Variants in RNF212B observed in about 807,000 individuals in gnomAD.
RNF212B encodes the protein ring finger protein 212B.
Under a neutral mutation model 55.5 loss-of-function variants are expected in RNF212B, and 52 were observed. The observed-to-expected ratio is 0.94, with a 90% CI of 0.75 to 1.18. The LOEUF (loss-of-function observed/expected upper bound fraction) is 1.18, where lower values mean the gene tolerates loss of function less well. Among genes scored for constraint, RNF212B ranks in the 50% most tolerant of loss-of-function variants. RNF212B has a pLI of 0.00. For missense variants in RNF212B, 289 were observed against 350.4 expected (o/e 0.82, Z 1.40); for synonymous variants, 99 against 121.4 (o/e 0.82, Z 1.21).
At chr14:23,215,096 C>T (rs1880934847) in intron 2 of RNF212B, among the ~76,000 whole-genome samples, 1 of 152,140 alleles carries the variant, frequency 6.6e-6, no homozygotes, top group Non-Finnish European at 1.5e-5. Flanking sequence ...GTGATTGGAT[C>T]ATGCGGGCAG....
At chr14:23,214,310 A>G (rs888191811) in intron 2 of RNF212B, among the ~76,000 whole-genome samples, 4 of 152,158 alleles carry the variant, frequency 2.6e-5, no homozygotes, top group Admixed American at 1.3e-4. Flanking sequence ...CCTGGCCAAC[A>G]TAGTGAAACC....
At chr14:23,224,151 A>T (rs1881805207) in intron 2 of RNF212B, among the ~76,000 whole-genome samples, 1 of 152,172 alleles carries the variant, frequency 6.6e-6, no homozygotes, top group Admixed American at 6.6e-5. Flanking sequence ...CATTGTTAAA[A>T]TGTCCATGCT....
chr14:23,230,786 AT>A (rs1200613979), intron 2 of RNF212B, among the ~76,000 whole-genome samples: 1 of 151,394 alleles, frequency 6.6e-6, no homozygotes, highest in Non-Finnish European at 1.5e-5. Context: ...TTTTGAGTTA[AT>A]TTTTGTATAT....
intron 2 of RNF212B, among the ~76,000 whole-genome samples, chr14:23,203,289 A>G (rs1024653591): frequency 8.6e-5 from 13 of 152,012 alleles, no homozygotes; most frequent in African/African-American, 3.1e-4. Context: ...CTCCAATCTC[A>G]TCTACCACAA....
At chr14:23,267,748 G>A (rs1275835155) in intron 11 of RNF212B, among the ~76,000 whole-genome samples, 4 of 152,036 alleles carry the variant, frequency 2.6e-5, no homozygotes, top group African/African-American at 9.7e-5. Flanking sequence ...TTGTCTTAAA[G>A]TCTATTTTGT....
At chr14:23,205,732 T>C (rs1879771671) in intron 2 of RNF212B, among the ~76,000 whole-genome samples, 1 of 152,248 alleles carries the variant, frequency 6.6e-6, no homozygotes, top group Admixed American at 6.5e-5. Flanking sequence ...TTACTGTCTG[T>C]GGACCAGACT....
chr14:23,244,538 G>A (rs2140442751), intron 4 of RNF212B, 142 bp downstream of exon 4: 1 of 562,684 alleles, frequency 1.8e-6, no homozygotes, highest in South Asian at 2.3e-5. Flanking sequence ...CTTCCTTGAT[G>A]ATACAAATTT....
Position 23,260,680 on chromosome 14 carries a change from G to C in RNF212B, c.427G>C (p.Gly143Arg). The C allele has an allele frequency of 6.4e-7, 1 of 1,550,436 alleles. No homozygotes were observed. The highest frequency in any genetic ancestry group is 8.7e-7 in the Non-Finnish European group (1 of 1,146,930). Reference sequence around the variant, plus strand: ...ATAGGAATCTCCAAGTCGGTACCAAGGAAGCAGGTCAGTTTTATCAGCTCC... The same window carrying C: ...ATAGGAATCTCCAAGTCGGTACCAACGAAGCAGGTCAGTTTTATCAGCTCC... ...ILKESPSRYQ[G>R]SRSITPRPVG... Residue 143 changes from glycine to arginine, a missense_variant, in exon 7 of 15, where the codon GGA (glycine) becomes CGA (arginine). Coordinates refer to ENST00000430154, the MANE Select transcript of RNF212B (RefSeq NM_001282322.3).
At chr14:23,264,746 C>A in intron 11 of RNF212B, 75 bp downstream of exon 11, 1 of 871,458 alleles carries the variant, frequency 1.1e-6, no homozygotes, top group Non-Finnish European at 1.5e-6. Context: ...GTTTTCTATG[C>A]ATAATATAAT....
chr14:23,246,114 A>T (rs1287247426), intron 4 of RNF212B, among the ~76,000 whole-genome samples: 1 of 151,684 alleles, frequency 6.6e-6, no homozygotes, highest in Non-Finnish European at 1.5e-5. Flanking sequence ...ATAGATCTGT[A>T]AGTCTGTAAG....
Position 23,200,578 on chromosome 14 carries a change from G to A in RNF212B, c.-2+7177G>A, listed in dbSNP as rs190800136. Among the ~76,000 whole-genome samples, 228 of 152,058 alleles carry A rather than the reference G, an allele frequency of 1.5e-3. 1 individual carries two copies. The highest frequency in any genetic ancestry group is 5.9e-4 in the Admixed American group (9 of 15,262). Reference sequence around the variant, plus strand: ...TGGCCTCAAGTGATCCACCCACCTCGGCCTCCCAAAGTGCTGGGATTACAG... The same window carrying A: ...TGGCCTCAAGTGATCCACCCACCTCAGCCTCCCAAAGTGCTGGGATTACAG... On this transcript the variant is annotated intron_variant, in intron 2 of 15. Transcript: ENST00000399910.
At chr14:23,222,587 G>C (rs1242326914) in intron 2 of RNF212B, among the ~76,000 whole-genome samples, 1 of 152,092 alleles carries the variant, frequency 6.6e-6, no homozygotes, top group Non-Finnish European at 1.5e-5. Flanking sequence ...TATTCAAACT[G>C]TTCTGAAAAG....
At chr14:23,219,706 A>T (rs985783417) in intron 2 of RNF212B, among the ~76,000 whole-genome samples, 2 of 152,028 alleles carry the variant, frequency 1.3e-5, no homozygotes, top group Non-Finnish European at 2.9e-5. Context: ...TGCCGACCTC[A>T]GGTGATCTGC....
intron 12 of RNF212B, among the ~76,000 whole-genome samples, chr14:23,269,271 C>G (rs538290709): frequency 1.1e-3 from 174 of 152,232 alleles, no homozygotes; most frequent in Non-Finnish European, 2.2e-3. Flanking sequence ...TCACTGCCCT[C>G]CAGCCTGGGT....
chr14:23,203,114 T>C (rs1205802828), intron 2 of RNF212B, among the ~76,000 whole-genome samples: 1 of 152,016 alleles, frequency 6.6e-6, no homozygotes, highest in Non-Finnish European at 1.5e-5. Context: ...TTTGTAGTCT[T>C]TTATCTCTCA....
chr14:23,215,821 A>G (rs529684301), intron 2 of RNF212B, among the ~76,000 whole-genome samples: 13 of 152,366 alleles, frequency 8.5e-5, no homozygotes, highest in African/African-American at 3.1e-4. Context: ...AAACATGGGT[A>G]AATGTTGACT....
chr14:23,201,025 C>G (rs931985516), intron 2 of RNF212B, among the ~76,000 whole-genome samples: 3 of 152,142 alleles, frequency 2.0e-5, no homozygotes, highest in African/African-American at 7.2e-5. Flanking sequence ...TTGTTGAAAG[C>G]TGTCAATAGC....
chr14:23,242,103 A>G (rs981973722), intron 2 of RNF212B, among the ~76,000 whole-genome samples: 108 of 91,582 alleles, frequency 1.2e-3, no homozygotes, highest in Middle Eastern at 5.5e-3. Context: ...AAAAAAAAAA[A>G]AAAAGAAAAG....
chr14:23,185,827 C>T (rs1442214086), intron 1 of RNF212B, among the ~76,000 whole-genome samples: 4 of 152,098 alleles, frequency 2.6e-5, no homozygotes, highest in East Asian at 1.9e-4. Flanking sequence ...GGGCTGGGCA[C>T]GGTGGCTCAT....
Sources: gnomAD v4.1 joint callset for allele counts (sites outside exome capture counted in the v4.1 genomes callset) on GRCh38, gnomAD v4.1.1 for gene constraint, MANE v1.5 for transcripts, NCBI Gene and HGNC (gene_info 2026-07-23, HGNC 2026-07-21) for gene names.